Variants in CELF2 observed in about 807,000 individuals in gnomAD.
The protein encoded by CELF2 is CUGBP Elav-like family member 2.
In CELF2, 8 loss-of-function variants were observed where a neutral mutation model predicts 62.6. That is an observed-to-expected ratio of 0.13 (90% CI 0.07 to 0.23). The LOEUF (loss-of-function observed/expected upper bound fraction) is 0.23. Ranked by LOEUF, CELF2 falls within the 10% of genes least tolerant of loss-of-function variation. CELF2 has a pLI of 1.00. For missense variants in CELF2, 333 were observed against 671.0 expected (o/e 0.50, Z 5.56); for synonymous variants, 258 against 250.0 (o/e 1.03, Z -0.30).
In CELF2 at chr10:11,237,998, G is replaced by T. The variant is rs2072191957; in HGVS notation, c.355-11155G>T. On this transcript the variant is annotated intron_variant, in intron 3 of 12. Coordinates refer to ENST00000633077, the MANE Select transcript of CELF2 (RefSeq NM_001326342.2). The surrounding 1 kb of genome is among the most constrained non-coding windows in gnomAD (Gnocchi z 4.0). ...AACCACGCCTTTAGTCGCCTTTAAT[G>T]GCCAGGTCAGGCATTATCATTTCAG... Among the ~76,000 whole-genome samples, 1 of 152,194 alleles carries T rather than the reference G, an allele frequency of 6.6e-6. No individual in the cohort carries two copies. The highest frequency in any genetic ancestry group is 1.5e-5 in the Non-Finnish European group (1 of 68,040).
At chr10:11,322,135 TG>T (rs2095474107) in intron 11 of CELF2, among the ~76,000 whole-genome samples, 1 of 152,144 alleles carries the variant, frequency 6.6e-6, no homozygotes, top group African/African-American at 2.4e-5. Context: ...CAGGCTTCTG[TG>T]GGTGAAACGC....
rs781275493 is a variant in CELF2 at position 11,211,811 on chromosome 10, A to AGTGT, written c.272-5613_272-5612insTGTG. On this transcript the variant is annotated intron_variant, in intron 2 of 12. Transcript: ENST00000633077. This position sits in a 1 kb window ranked among gnomAD's most constrained non-coding sequence, Gnocchi z 4.8. ...GTGTGTGAGAGAGAGAGAGAGAGAG[A>AGTGT]GAGTGTGTGTGTGTGTGTGTGTGTG... Among the ~76,000 whole-genome samples, 3 of 56,042 alleles carry AGTGT rather than the reference A, an allele frequency of 5.4e-5. No individual in the cohort carries two copies. The highest frequency in any genetic ancestry group is 4.2e-4 in the South Asian group (1 of 2,356). The allele number at this position is 56,042 out of a possible 152,430, so 36.8% of individuals were successfully genotyped here. A position where few individuals can be genotyped will look rare whatever the true frequency, so the allele number is the denominator to read the frequency against.
In CELF2 at chr10:10,869,872, T is replaced by C. The variant is rs376103320; in HGVS notation, c.54-50092T>C. ...GACATGTTTCTTTGGTCCCAGCTACTCTGAAGGCTGAGAGGATTGCTTGAG... is the reference window on the plus strand; with the variant it reads ...GACATGTTTCTTTGGTCCCAGCTACCCTGAAGGCTGAGAGGATTGCTTGAG... On this transcript the variant is annotated intron_variant, in intron 1 of 13. Transcript: ENST00000636488. Among the ~76,000 whole-genome samples the C allele has an allele frequency of 2.3e-3, 347 of 152,270 alleles. 3 individuals are homozygous for C. The highest frequency in any genetic ancestry group is 7.3e-3 in the African/African-American group (303 of 41,564).
the CELF2 span, among the ~76,000 whole-genome samples, chr10:10,780,272 A>G: frequency 1.3e-5 from 2 of 152,262 alleles, no homozygotes; most frequent in South Asian, 4.2e-4. Flanking sequence ...ATCTCCCCTA[A>G]TTCTGTGCAT....
At chr10:10,824,659 T>G (rs1351629004) in intron 1 of CELF2, among the ~76,000 whole-genome samples, 1 of 152,234 alleles carries the variant, frequency 6.6e-6, no homozygotes, top group Non-Finnish European at 1.5e-5. Flanking sequence ...CCACTTAAAG[T>G]GACTCCTTTC....
intron 3 of CELF2, among the ~76,000 whole-genome samples, chr10:11,238,489 C>T (rs1337059488): frequency 1.3e-5 from 2 of 152,130 alleles, no homozygotes; most frequent in Non-Finnish European, 2.9e-5. Flanking sequence ...ACTAGTTTTG[C>T]TTTGTATTTA....
chr10:11,234,140 G>A (rs1394783128), intron 3 of CELF2, among the ~76,000 whole-genome samples: 1 of 152,198 alleles, frequency 6.6e-6, no homozygotes, highest in Non-Finnish European at 1.5e-5. Flanking sequence ...GAAGGTAGAG[G>A]TGAACATTGC....
chr10:10,704,216 T>C, the CELF2 span, among the ~76,000 whole-genome samples: 122 of 152,330 alleles, frequency 8.0e-4, no homozygotes, highest in Non-Finnish European at 5.0e-4. Flanking sequence ...CTGACTGATG[T>C]ACAGGGAAGT....
intron 3 of CELF2, among the ~76,000 whole-genome samples, chr10:11,221,700 G>A (rs1464232492): frequency 4.6e-5 from 7 of 152,252 alleles, no homozygotes; most frequent in East Asian, 1.9e-4. Flanking sequence ...AGGAAGCTGC[G>A]GAATCTAAAT....
At chr10:11,015,205 AT>A (rs773881073), upstream of CELF2, among the ~76,000 whole-genome samples, 5 of 151,892 alleles carry the variant, frequency 3.3e-5, no homozygotes, top group African/African-American at 9.7e-5. This position sits in a 1 kb window ranked among gnomAD's most constrained non-coding sequence, Gnocchi z 4.8. Context: ...TTGTTTTTAG[AT>A]TTTTTTTCTT....
chr10:10,852,914 C>T (rs1364061630), intron 1 of CELF2, among the ~76,000 whole-genome samples: 1 of 152,164 alleles, frequency 6.6e-6, no homozygotes, highest in African/African-American at 2.4e-5. Flanking sequence ...TTTTAGAACA[C>T]AGGGTTAACA....
chr10:11,034,664 C>CT (rs1339611783), intron 1 of CELF2, among the ~76,000 whole-genome samples: 1 of 152,144 alleles, frequency 6.6e-6, no homozygotes, highest in Non-Finnish European at 1.5e-5. Context: ...TGTGGCAGTT[C>CT]TTTCCCATTC....
At chr10:10,678,256 C>T in the CELF2 span, among the ~76,000 whole-genome samples, 1 of 152,000 alleles carries the variant, frequency 6.6e-6, no homozygotes, top group African/African-American at 2.4e-5. Flanking sequence ...GAAATTATAT[C>T]TGATATTTTA....
the CELF2 span, among the ~76,000 whole-genome samples, chr10:10,556,302 G>T: frequency 8.6e-5 from 13 of 151,664 alleles, no homozygotes; most frequent in Non-Finnish European, 2.9e-5. Flanking sequence ...TTGTTCTTGT[G>T]ATAGTTTACT....
intron 1 of CELF2, among the ~76,000 whole-genome samples, chr10:11,084,691 G>T (rs2141586569): frequency 6.6e-6 from 1 of 152,006 alleles, no homozygotes; most frequent in South Asian, 2.1e-4. Flanking sequence ...ATTTACTATT[G>T]ATATAGAATT....
At chr10:10,667,417 G>A in the CELF2 span, among the ~76,000 whole-genome samples, 1 of 152,218 alleles carries the variant, frequency 6.6e-6, no homozygotes. Context: ...CTGTGTGAGA[G>A]TGCTCTCAGG....
intron 9 of CELF2, among the ~76,000 whole-genome samples, chr10:11,313,272 A>G (rs1293381529): frequency 6.6e-6 from 1 of 152,258 alleles, no homozygotes; most frequent in Admixed American, 6.5e-5. Context: ...TTGCATAGAA[A>G]TATACCTTCA....
At chr10:10,736,389 TTTCTTTC>T in the CELF2 span, among the ~76,000 whole-genome samples, 796 of 87,430 alleles carry the variant, frequency 9.1e-3, 7 homozygotes, top group African/African-American at 0.032. Flanking sequence ...TCTTTCTTTC[TTTCTTTC>T]TTTTTTTTTT....
chr10:10,568,306 C>T, the CELF2 span, among the ~76,000 whole-genome samples: 3 of 150,158 alleles, frequency 2.0e-5, no homozygotes, highest in East Asian at 3.9e-4. Context: ...AGGATGAGTC[C>T]GGAGAAAAAA....
Sources: gnomAD v4.1 joint callset for allele counts (sites outside exome capture counted in the v4.1 genomes callset) on GRCh38, gnomAD v4.1.1 for gene constraint, Gnocchi (gnomAD v3.1) non-coding constraint, MANE v1.5 for transcripts, NCBI Gene and HGNC (gene_info 2026-07-23, HGNC 2026-07-21) for gene names.